DPP10: variants seen among roughly 807,000 people sequenced by gnomAD.
DPP10 encodes dipeptidyl peptidase like 10, also known as inactive dipeptidyl peptidase 10.
DPP10 carries 33 observed loss-of-function variants against 120.9 expected under a neutral mutation model. That is an observed-to-expected ratio of 0.27 (90% CI 0.21 to 0.37). The LOEUF (loss-of-function observed/expected upper bound fraction) is 0.37, where lower values mean the gene tolerates loss of function less well. Ranked by LOEUF, DPP10 falls within the 10% of genes least tolerant of loss-of-function variation. The pLI, the probability that DPP10 is intolerant of heterozygous loss-of-function variation, is 1.00. For missense variants in DPP10, 816 were observed against 942.8 expected (o/e 0.87, Z 1.76); for synonymous variants, 337 against 326.1 (o/e 1.03, Z -0.36).
At chr2:114,497,316 CAT>C (rs1558814172) in intron 1 of DPP10, among the ~76,000 whole-genome samples, 2 of 29,396 alleles carry the variant, frequency 6.8e-5, no homozygotes, top group African/African-American at 1.0e-4. Context: ...TATACATGTA[CAT>C]GTATACGTGT....
intron 1 of DPP10, among the ~76,000 whole-genome samples, chr2:114,474,879 G>C (rs755109828): frequency 6.6e-6 from 1 of 152,220 alleles, no homozygotes; most frequent in Non-Finnish European, 1.5e-5. Flanking sequence ...CAAACCCTAA[G>C]AGATGGGTCA....
chr2:114,637,968 G>T (rs1384032143), intron 1 of DPP10, among the ~76,000 whole-genome samples: 3 of 151,830 alleles, frequency 2.0e-5, no homozygotes, highest in Non-Finnish European at 2.9e-5. Context: ...GGCTATTCAG[G>T]TTCCTTTCTG....
At chr2:114,957,800 C>T (rs548089631) in intron 1 of DPP10, among the ~76,000 whole-genome samples, 1 of 152,280 alleles carries the variant, frequency 6.6e-6, no homozygotes, top group Admixed American at 6.5e-5. Context: ...CTGCTATTTG[C>T]ATCAATGCAG....
rs536811868 is a variant in DPP10 at position 114,894,458 on chromosome 2, G to A, written c.61-414781G>A. Among the ~76,000 whole-genome samples, 42 of 152,200 alleles carry A rather than the reference G, an allele frequency of 2.8e-4. 2 individuals carry two copies. The South Asian group carries it at 7.9e-3, about 29-fold the overall frequency. On this transcript the variant is annotated intron_variant, in intron 1 of 25. Transcript: ENST00000410059. Reference sequence around the variant, plus strand: ...GTTTGCCTATTCCGTTCATTCAATAGGCCACTCTGCTTAAAAATTTAAGAA... The same window carrying A: ...GTTTGCCTATTCCGTTCATTCAATAAGCCACTCTGCTTAAAAATTTAAGAA...
intron 1 of DPP10, chr2:114,835,522 G>T (rs983529176): frequency 1.3e-5 from 2 of 152,152 alleles, no homozygotes; most frequent in African/African-American, 4.8e-5. Context: ...ATAAATACGT[G>T]TTTGTTTTAT....
At chr2:115,495,499 A>G (rs1202668972) in intron 3 of DPP10, among the ~76,000 whole-genome samples, 1 of 151,894 alleles carries the variant, frequency 6.6e-6, no homozygotes, top group African/African-American at 2.4e-5. Flanking sequence ...GATAAGGTGG[A>G]TGCAGAAGTC....
At chr2:114,856,087 A>T (rs1051637526) in intron 1 of DPP10, among the ~76,000 whole-genome samples, 1 of 152,190 alleles carries the variant, frequency 6.6e-6, no homozygotes, top group African/African-American at 2.4e-5. Context: ...ATAAAGAGAG[A>T]TCTGAACACT....
intron 1 of DPP10, among the ~76,000 whole-genome samples, chr2:114,477,326 T>C (rs1680498358): frequency 6.6e-6 from 1 of 152,140 alleles, no homozygotes; most frequent in African/African-American, 2.4e-5. Context: ...GATCCATACG[T>C]ACTTTTGGGT....
chr2:114,570,426 G>A (rs868429745), intron 1 of DPP10, among the ~76,000 whole-genome samples: 5 of 152,172 alleles, frequency 3.3e-5, no homozygotes, highest in Middle Eastern at 6.8e-3. Context: ...CTAGATGTTC[G>A]AATATAACTC....
chr2:115,306,991 G>A (rs998730919), intron 1 of DPP10, among the ~76,000 whole-genome samples: 3 of 151,982 alleles, frequency 2.0e-5, no homozygotes, highest in Non-Finnish European at 4.4e-5. Flanking sequence ...ATCTTTACAA[G>A]TGGCATTATA....
chr2:115,343,393 G>A lies in DPP10; in HGVS notation c.176-424G>A, dbSNP rs369348869. 1.2e-3 allele frequency among the ~76,000 whole-genome samples: 175 copies of A among 152,144 alleles called. 3 individuals carry two copies. In the South Asian group the frequency reaches 0.035, roughly 30 times the overall value. Reference sequence around the variant, plus strand: ...GACTTGAGAGTTTAGTCATACATAAGTCCCTCAAGTCTACCATCTTTGGTT... The same window carrying A: ...GACTTGAGAGTTTAGTCATACATAAATCCCTCAAGTCTACCATCTTTGGTT... On this transcript the variant is annotated intron_variant, in intron 2 of 25. Coordinates refer to ENST00000410059, the MANE Select transcript of DPP10 (RefSeq NM_020868.6).
intron 3 of DPP10, among the ~76,000 whole-genome samples, chr2:115,380,470 G>T (rs569406672): frequency 6.6e-6 from 1 of 152,140 alleles, no homozygotes; most frequent in Non-Finnish European, 1.5e-5. Context: ...TGGGTTTCCT[G>T]AATACAGCAC....
At chr2:114,564,394 A>T (rs1480293162) in intron 1 of DPP10, among the ~76,000 whole-genome samples, 1 of 152,150 alleles carries the variant, frequency 6.6e-6, no homozygotes, top group Non-Finnish European at 1.5e-5. Context: ...GCTCACTAAG[A>T]CCATAGCAGA....
chr2:114,714,376 T>C (rs1025589780), intron 1 of DPP10, among the ~76,000 whole-genome samples: 15 of 152,198 alleles, frequency 9.9e-5, no homozygotes, highest in African/African-American at 3.6e-4. Flanking sequence ...TGGAAATAGA[T>C]AATCAAGTTC....
intron 1 of DPP10, among the ~76,000 whole-genome samples, chr2:115,249,664 C>CT (rs1423474353): frequency 2.0e-5 from 3 of 152,060 alleles, no homozygotes; most frequent in Non-Finnish European, 4.4e-5. Context: ...TTGAGTTCTA[C>CT]TTTTTTTCCC....
At chr2:115,342,777 A>T (rs1162999171) in intron 2 of DPP10, among the ~76,000 whole-genome samples, 1 of 152,038 alleles carries the variant, frequency 6.6e-6, no homozygotes, top group Admixed American at 6.6e-5. Context: ...AACAATACTC[A>T]CTATTTTTAC....
At chr2:114,768,611 G>A (rs1040640283) in intron 1 of DPP10, among the ~76,000 whole-genome samples, 34 of 152,148 alleles carry the variant, frequency 2.2e-4, no homozygotes, top group African/African-American at 6.7e-4. Flanking sequence ...CTCAAGGGTC[G>A]TACCCTTAAT....
chr2:115,696,121 C>T (rs893336637), intron 7 of DPP10, among the ~76,000 whole-genome samples: 2 of 151,868 alleles, frequency 1.3e-5, no homozygotes, highest in South Asian at 4.2e-4. Flanking sequence ...TATGGAATAC[C>T]ATCAAGTGGG....
At chr2:115,022,752 A>G (rs559394589) in intron 1 of DPP10, among the ~76,000 whole-genome samples, 2 of 152,324 alleles carry the variant, frequency 1.3e-5, no homozygotes, top group East Asian at 3.9e-4. Context: ...TTCAAACTAT[A>G]CTATAAGGCC....
Sources: allele counts gnomAD v4.1 joint callset (sites outside exome capture counted in the v4.1 genomes callset), GRCh38; gene constraint gnomAD v4.1.1; transcripts MANE v1.5; gene names NCBI Gene and HGNC (gene_info 2026-07-23, HGNC 2026-07-21).